The following LAMA2 variants were observed in gnomAD, a reference collection of about 807,000 sequenced individuals.
The protein encoded by LAMA2 is laminin subunit alpha 2, also known as laminin subunit alpha-2.
In LAMA2, 269 loss-of-function variants were observed where a neutral mutation model predicts 364.8. That is an observed-to-expected ratio of 0.74 (90% CI 0.67 to 0.82). The LOEUF (loss-of-function observed/expected upper bound fraction) is 0.82, where lower values mean the gene tolerates loss of function less well. Among genes scored for constraint, LAMA2 ranks in the 40% least tolerant of loss-of-function variants. The pLI, the probability that LAMA2 is intolerant of heterozygous loss-of-function variation, is 0.00. For missense variants in LAMA2, 3,807 were observed against 3,873.2 expected (o/e 0.98, Z 0.45); for synonymous variants, 1,379 against 1,370.6 (o/e 1.01, Z -0.14).
chr6:129,206,894 A>T (rs1782713834), intron 12 of LAMA2, among the ~76,000 whole-genome samples: 1 of 152,196 alleles, frequency 6.6e-6, no homozygotes, highest in African/African-American at 2.4e-5. Flanking sequence ...TATCTCCTTG[A>T]GGCACATCGA....
At chr6:129,337,402 T>C (rs1440250466) in intron 29 of LAMA2, among the ~76,000 whole-genome samples, 1 of 152,182 alleles carries the variant, frequency 6.6e-6, no homozygotes, top group African/African-American at 2.4e-5. Context: ...ATAGTATTCT[T>C]AGATATTTGA....
intron 7 of LAMA2, among the ~76,000 whole-genome samples, chr6:129,152,041 G>A (rs951321460): frequency 6.6e-6 from 1 of 152,112 alleles, no homozygotes; most frequent in African/African-American, 2.4e-5. Flanking sequence ...GTTGGGAAAG[G>A]TATTTACAAC....
chr6:129,141,862 G>A (rs985500900), intron 4 of LAMA2, among the ~76,000 whole-genome samples: 1 of 151,648 alleles, frequency 6.6e-6, no homozygotes, highest in Non-Finnish European at 1.5e-5. Flanking sequence ...GTGCATGTTT[G>A]TGTGTGTATG....
chr6:128,938,740 G>A (rs1282502644), intron 1 of LAMA2, among the ~76,000 whole-genome samples: 1 of 152,158 alleles, frequency 6.6e-6, no homozygotes, highest in Non-Finnish European at 1.5e-5. Context: ...AATCAGAAAT[G>A]AAGGGAAGGT....
chr6:128,912,203 A>G (rs563970987), intron 1 of LAMA2, among the ~76,000 whole-genome samples: 26 of 152,298 alleles, frequency 1.7e-4, no homozygotes, highest in Middle Eastern at 3.4e-3. Flanking sequence ...GTTTAATTTT[A>G]TAATAGACAA....
rs373393207 is a variant in LAMA2 at position 129,393,260 on chromosome 6, G to A, written c.5445+5G>A. On this transcript the variant is annotated splice_donor_5th_base_variant and intron_variant, in intron 37 of 64. Transcript: ENST00000421865. The stretch of plus-strand genomic sequence containing the variant: ...AAAAACATGACTGCATTGGAGGTGA[G>A]TCTTAGGGGCACTTTTATCTTAATC... 6.2e-7 allele frequency: 1 copy of A among 1,604,922 alleles called. No individual in the cohort carries two copies. Among genetic ancestry groups the A allele is most frequent in the African/African-American group, 1.3e-5 (1 of 74,722 alleles).
chr6:129,475,829 T>C (rs936247311), intron 53 of LAMA2, among the ~76,000 whole-genome samples: 1 of 152,150 alleles, frequency 6.6e-6, no homozygotes, highest in African/African-American at 2.4e-5. Flanking sequence ...AGAATCAAAC[T>C]GTGCTCTCAC....
intron 3 of LAMA2, among the ~76,000 whole-genome samples, chr6:129,084,743 G>C (rs1774271681): frequency 6.6e-6 from 1 of 152,116 alleles, no homozygotes; most frequent in Non-Finnish European, 1.5e-5. Context: ...TAAACCCTGG[G>C]ATAAGGAAAA....
intron 58 of LAMA2, among the ~76,000 whole-genome samples, chr6:129,499,905 T>C (rs549787425): frequency 1.4e-4 from 21 of 151,940 alleles, no homozygotes; most frequent in Admixed American, 1.3e-3. Flanking sequence ...TTTTAATTTT[T>C]TTGTTGTTGT....
intron 1 of LAMA2, among the ~76,000 whole-genome samples, chr6:128,950,457 T>G (rs568763752): frequency 6.6e-6 from 1 of 152,172 alleles, no homozygotes; most frequent in African/African-American, 2.4e-5. Flanking sequence ...TGGGTAGAAC[T>G]TGAGTATCAT....
At chr6:128,884,178 T>C (rs1776016385) in intron 1 of LAMA2, among the ~76,000 whole-genome samples, 1 of 152,196 alleles carries the variant, frequency 6.6e-6, no homozygotes, top group South Asian at 2.1e-4. Context: ...CTCTCATTTC[T>C]GAAACTTTGG....
chr6:129,072,152 T>TA (rs1279283544), intron 3 of LAMA2, among the ~76,000 whole-genome samples: 4 of 151,724 alleles, frequency 2.6e-5, no homozygotes, highest in South Asian at 4.2e-4. Flanking sequence ...AGACCCTGTC[T>TA]AAAAAAAAGC....
chr6:129,503,974 T>C (rs1785855253), intron 60 of LAMA2, among the ~76,000 whole-genome samples: 1 of 152,230 alleles, frequency 6.6e-6, no homozygotes, highest in Non-Finnish European at 1.5e-5. Flanking sequence ...GATAATATAC[T>C]GCCTGATTAA....
intron 1 of LAMA2, among the ~76,000 whole-genome samples, chr6:128,997,305 A>G (rs1245764315): frequency 6.6e-6 from 1 of 150,970 alleles, no homozygotes; most frequent in Non-Finnish European, 1.5e-5. Flanking sequence ...AAAAGAAGAA[A>G]GAAAGAAACA....
At chr6:129,370,881 GA>G (rs1197503303) in intron 34 of LAMA2, among the ~76,000 whole-genome samples, 2 of 152,070 alleles carry the variant, frequency 1.3e-5, no homozygotes, top group Admixed American at 6.6e-5. Context: ...GTCGGTTTAG[GA>G]AAATATCCAC....
chr6:129,026,771 T>G, intron 1 of LAMA2, among the ~76,000 whole-genome samples: 1 of 152,120 alleles, frequency 6.6e-6, no homozygotes, highest in East Asian at 1.9e-4. Context: ...AGGGCAAATA[T>G]AGAATAGCAT....
At chr6:129,187,957 C>T (rs533660253) in intron 10 of LAMA2, among the ~76,000 whole-genome samples, 5 of 151,984 alleles carry the variant, frequency 3.3e-5, no homozygotes, top group South Asian at 2.1e-4. Flanking sequence ...TTGCTAACAT[C>T]GGTCTCTCAT....
At chr6:129,235,324 A>G (rs1367909140) in intron 12 of LAMA2, among the ~76,000 whole-genome samples, 1 of 152,204 alleles carries the variant, frequency 6.6e-6, no homozygotes, top group Non-Finnish European at 1.5e-5. Flanking sequence ...TCTAACAAGA[A>G]GACTCAAAGA....
chr6:129,501,371 A>G (rs1785623359), intron 58 of LAMA2, among the ~76,000 whole-genome samples: 1 of 152,214 alleles, frequency 6.6e-6, no homozygotes, highest in Admixed American at 6.5e-5. Context: ...TCTGCTCTTT[A>G]TAACTGACCA....
Sources: allele counts gnomAD v4.1 joint callset (sites outside exome capture counted in the v4.1 genomes callset), GRCh38; gene constraint gnomAD v4.1.1; transcripts MANE v1.5; gene names NCBI Gene and HGNC (gene_info 2026-07-23, HGNC 2026-07-21).